Variants in DAG1 observed in about 807,000 individuals in gnomAD.
DAG1 encodes dystroglycan 1.
Under a neutral mutation model 46.1 loss-of-function variants are expected in DAG1, and 8 were observed. The ratio of observed to expected loss-of-function variants is 0.17; its 90% CI spans 0.10 to 0.31. DAG1 has a LOEUF of 0.31. Ranked by LOEUF, DAG1 falls within the 10% of genes least tolerant of loss-of-function variation. The pLI is 1.00. For synonymous variants in DAG1, 495 were observed against 481.8 expected, an observed-to-expected ratio of 1.03 and a Z score of -0.36; for missense variants, 1,003 against 1,189.9, an observed-to-expected ratio of 0.84 and a Z score of 2.31.
At chr3:49,506,195 T>C (rs979683100) in intron 1 of DAG1, among the ~76,000 whole-genome samples, 3 of 152,078 alleles carry the variant, frequency 2.0e-5, no homozygotes, top group Non-Finnish European at 4.4e-5. Flanking sequence ...GTCAGGCTGG[T>C]CTTGAACTCC....
rs1385833175 is a variant in DAG1 at position 49,493,192 on chromosome 3, C to T, written c.-116-17227C>T. 3.3e-5 allele frequency among the ~76,000 whole-genome samples: 5 copies of T among 151,646 alleles called. No individual in the cohort carries two copies. The East Asian group carries it at 5.8e-4, about 18-fold the overall frequency. ...CTGAGTAGCTCAGATTATAGGCATG[C>T]GTCACCACACTCAGCCAATTTTTTC... On this transcript the variant is annotated intron_variant, in intron 1 of 2. Coordinates refer to ENST00000308775, the MANE Select transcript of DAG1 (RefSeq NM_004393.6).
intron 1 of DAG1, among the ~76,000 whole-genome samples, chr3:49,473,004 G>A (rs1217578630): frequency 7.1e-6 from 1 of 140,474 alleles, no homozygotes; most frequent in African/African-American, 2.7e-5. Flanking sequence ...GCCTTTAATC[G>A]CAGCTACTCG....
At chr3:49,485,409 C>T (rs1559550770) in intron 1 of DAG1, among the ~76,000 whole-genome samples, 1 of 152,150 alleles carries the variant, frequency 6.6e-6, no homozygotes, top group African/African-American at 2.4e-5. Context: ...AAACCGTGGC[C>T]TGAGTCTTTG....
chr3:49,472,227 C>G, intron 1 of DAG1, among the ~76,000 whole-genome samples: 1 of 151,948 alleles, frequency 6.6e-6, no homozygotes, highest in South Asian at 2.1e-4. Flanking sequence ...AGTCAGCTAA[C>G]AGAGGAGAGG....
At position 49,531,091 on chromosome 3, in the gene DAG1, A is replaced by C. The variant is rs2051330593; in HGVS notation, c.580A>C (p.Ile194Leu). 3 of 1,614,034 alleles carry C rather than the reference A, an allele frequency of 1.9e-6. No individual in the cohort carries two copies. The highest frequency in any genetic ancestry group is 1.3e-5 in the African/African-American group (1 of 74,916). The change falls in exon 3 of 3, where the codon ATT becomes CTT. Residue 194 changes from isoleucine (I) to leucine (L), a missense_variant. By Grantham distance (5) the Ile-to-Leu change is conservative. Around this residue, in one of 3 missense-constraint regions of DAG1, gnomAD observed 52 missense variants for 96.7 expected, o/e 0.54. Transcript: ENST00000308775. The surrounding 1 kb of genome is among the most constrained non-coding windows in gnomAD (Gnocchi z 7.0). ...TGAACCTGTGACTGTTTTGACGGTG[A>C]TTTTGGATGCCGACCTCACCAAGAT... The part of the protein sequence containing the change: ...ADEPVTVLTV[I>L]LDADLTKMTP...
chr3:49,531,715 C>T lies in DAG1; in HGVS notation c.1204C>T (p.Arg402Cys), dbSNP rs754628020. 3.1e-5 allele frequency: 50 copies of T among 1,614,098 alleles called. No individual in the cohort carries two copies. Among genetic ancestry groups the T allele is most frequent in the Non-Finnish European group, 4.2e-5 (49 of 1,180,006 alleles). Residue 402 changes from arginine to cysteine, a missense_variant, in exon 3 of 3, where the codon CGC becomes TGC. Physicochemically the swap from Arg to Cys is radical, Grantham distance 180. Around this residue, in one of 3 missense-constraint regions of DAG1, gnomAD observed 755 missense variants for 854.1 expected, o/e 0.88. Coordinates refer to ENST00000308775, the MANE Select transcript of DAG1 (RefSeq NM_004393.6). The surrounding 1 kb of genome is among the most constrained non-coding windows in gnomAD (Gnocchi z 7.0). Reference protein sequence around the residue: ...EAGTTVPGQIRPTMTIPGYVE... With the variant: ...EAGTTVPGQICPTMTIPGYVE... ...TGGCACCACAGTTCCTGGCCAGATT[C>T]GCCCAACGATGACCATTCCTGGCTA...
intron 1 of DAG1, among the ~76,000 whole-genome samples, chr3:49,474,109 C>T (rs1455839068): frequency 2.6e-5 from 4 of 151,490 alleles, no homozygotes; most frequent in African/African-American, 9.7e-5. Flanking sequence ...AGCTGGAGTG[C>T]AGTGGTATGA....
At chr3:49,486,375 C>T (rs1461715184) in intron 1 of DAG1, among the ~76,000 whole-genome samples, 7 of 151,866 alleles carry the variant, frequency 4.6e-5, no homozygotes, top group African/African-American at 1.2e-4. Context: ...CATGCCACCA[C>T]GCCCGGCTAA....
intron 1 of DAG1, among the ~76,000 whole-genome samples, chr3:49,474,492 T>G (rs1337784364): frequency 1.3e-5 from 2 of 152,096 alleles, no homozygotes; most frequent in Non-Finnish European, 2.9e-5. Context: ...ATTACAGGCA[T>G]GCACCACCAC....
chr3:49,474,565 C>T (rs1386876825), intron 1 of DAG1, among the ~76,000 whole-genome samples: 1 of 151,994 alleles, frequency 6.6e-6, no homozygotes, highest in Non-Finnish European at 1.5e-5. Context: ...AGGCTGATCT[C>T]GAACTCCTGA....
At chr3:49,499,227 T>C (rs2050385151) in intron 1 of DAG1, among the ~76,000 whole-genome samples, 1 of 152,110 alleles carries the variant, frequency 6.6e-6, no homozygotes, top group African/African-American at 2.4e-5. Context: ...TTTCAGAGTT[T>C]TTAGGTTAAG....
intron 1 of DAG1, among the ~76,000 whole-genome samples, chr3:49,486,367 T>C (rs1369959755): frequency 6.0e-5 from 9 of 150,498 alleles, no homozygotes; most frequent in Admixed American, 1.3e-4. Flanking sequence ...TATAGGCGCA[T>C]GCCACCACGC....
At chr3:49,484,773 T>C (rs1368985711) in intron 1 of DAG1, among the ~76,000 whole-genome samples, 2 of 151,068 alleles carry the variant, frequency 1.3e-5, no homozygotes, top group Middle Eastern at 3.5e-3. Context: ...GCCAAGGGGT[T>C]GGGAGCTCAG....
chr3:49,510,711 G>C lies in DAG1; in HGVS notation c.177G>C (p.Glu59Asp). The C allele has an allele frequency of 6.2e-7, 1 of 1,614,170 alleles. No individual in the cohort carries two copies. Residue 59 changes from glutamate to aspartate, a missense_variant, in exon 2 of 3, where the codon GAG becomes GAC. Glu to Asp is a conservative substitution (Grantham distance 45). Coordinates refer to ENST00000308775, the MANE Select transcript of DAG1 (RefSeq NM_004393.6). ...ACTCAGTGCTCTCAGACCTCCACGAGGCTGTTCCCACAGTGGTTGGCATTC... is the reference window on the plus strand; with the variant it reads ...ACTCAGTGCTCTCAGACCTCCACGACGCTGTTCCCACAGTGGTTGGCATTC... ...SMHSVLSDLH[E>D]AVPTVVGIPD...
chr3:49,506,414 A>G (rs2050608710), intron 1 of DAG1, among the ~76,000 whole-genome samples: 2 of 152,212 alleles, frequency 1.3e-5, no homozygotes, highest in South Asian at 4.1e-4. Flanking sequence ...CAGTAAATAC[A>G]GTGTTAGCTG....
intron 1 of DAG1, among the ~76,000 whole-genome samples, chr3:49,506,749 A>G (rs2050616044): frequency 6.6e-6 from 1 of 152,108 alleles, no homozygotes; most frequent in South Asian, 2.1e-4. Flanking sequence ...TTTTCATGAT[A>G]GATACTGGTC....
intron 1 of DAG1, among the ~76,000 whole-genome samples, chr3:49,491,808 G>A (rs892123584): frequency 1.7e-4 from 26 of 151,926 alleles, no homozygotes; most frequent in African/African-American, 6.0e-4. Flanking sequence ...TAGTAGAGAC[G>A]GGGTTTCGCC....
chr3:49,482,855 T>C (rs1575346687), intron 1 of DAG1, among the ~76,000 whole-genome samples: 1 of 151,954 alleles, frequency 6.6e-6, no homozygotes, highest in Non-Finnish European at 1.5e-5. Flanking sequence ...TGTGAAGATT[T>C]CCCCCCCAGG....
At chr3:49,503,243 T>C (rs1043933362) in intron 1 of DAG1, among the ~76,000 whole-genome samples, 3 of 152,220 alleles carry the variant, frequency 2.0e-5, no homozygotes, top group African/African-American at 2.4e-5. Context: ...TGGTGTCACA[T>C]TGGAACATTT....
Sources: allele counts gnomAD v4.1 joint callset (sites outside exome capture counted in the v4.1 genomes callset), GRCh38; gene constraint gnomAD v4.1.1; regional missense constraint gnomAD v4.1.1; non-coding constraint Gnocchi (gnomAD v3.1); transcripts MANE v1.5; gene names NCBI Gene and HGNC (gene_info 2026-07-23, HGNC 2026-07-21).